GMDS: variants seen among roughly 807,000 people sequenced by gnomAD.
GMDS encodes the protein GDP-mannose 4,6 dehydratase.
A neutral mutation model predicts 49.9 loss-of-function variants in GMDS; 20 were observed. The observed-to-expected ratio is 0.40, with a 90% CI of 0.28 to 0.58. GMDS has a LOEUF of 0.58. Ranked by LOEUF, GMDS falls within the 20% of genes least tolerant of loss-of-function variation. The pLI is 0.42. For synonymous variants in GMDS, 177 were observed against 178.6 expected (o/e 0.99, Z 0.07); for missense variants, 362 against 481.4 (o/e 0.75, Z 2.32).
chr6:1,802,196 T>C (rs992377257), intron 7 of GMDS, among the ~76,000 whole-genome samples: 5 of 152,230 alleles, frequency 3.3e-5, no homozygotes, highest in African/African-American at 4.8e-5. Flanking sequence ...GGTACAAGTC[T>C]TCATTTGAGA....
chr6:1,801,502 T>G (rs1216351890), intron 7 of GMDS, among the ~76,000 whole-genome samples: 4 of 152,244 alleles, frequency 2.6e-5, no homozygotes, highest in Non-Finnish European at 4.4e-5. Context: ...GCTGTCCAGC[T>G]GGAGTGGAGG....
At chr6:1,760,407 T>C (rs990435533) in intron 7 of GMDS, among the ~76,000 whole-genome samples, 7 of 152,212 alleles carry the variant, frequency 4.6e-5, no homozygotes, top group East Asian at 1.9e-4. Flanking sequence ...GTGGGGAAGA[T>C]GGCCACTTGC....
At chr6:1,894,300 G>A (rs1760038405) in intron 7 of GMDS, among the ~76,000 whole-genome samples, 1 of 152,046 alleles carries the variant, frequency 6.6e-6, no homozygotes, top group African/African-American at 2.4e-5. Flanking sequence ...GAAGAATGAT[G>A]GTGTAGTTAC....
chr6:1,960,767 T>C lies in GMDS; in HGVS notation c.538+7A>G. On this transcript the variant is annotated splice_region_variant and intron_variant, in intron 5 of 10. Transcript: ENST00000380815. ...ACATGTGCTCCGGTGTGCACGCATG[T>C]TCTCACCATAGGGTGACCGGGGATA... is the stretch of plus-strand genomic sequence containing the variant. 6.4e-7 allele frequency: 1 copy of C among 1,566,586 alleles called. No homozygotes were observed. The highest frequency in any genetic ancestry group is 8.7e-7 in the Non-Finnish European group (1 of 1,144,392).
chr6:2,148,224 T>C (rs1776671823), intron 1 of GMDS, among the ~76,000 whole-genome samples: 1 of 152,148 alleles, frequency 6.6e-6, no homozygotes, highest in Non-Finnish European at 1.5e-5. Context: ...CCAAAATAAA[T>C]TAAATGCTGG....
At chr6:1,645,563 T>C (rs1236326246) in intron 9 of GMDS, among the ~76,000 whole-genome samples, 1 of 152,244 alleles carries the variant, frequency 6.6e-6, no homozygotes, top group Non-Finnish European at 1.5e-5. Context: ...CCTCACTTGC[T>C]CTTTTCCTCC....
chr6:1,960,787 G>A lies in GMDS; in HGVS notation c.525C>T (p.Pro175=), dbSNP rs763342814. The change falls in exon 5 of 11, where the codon CCC becomes CCT. Residue 175 remains proline, a synonymous_variant. Coordinates refer to ENST00000380815, the MANE Select transcript of GMDS (RefSeq NM_001500.4). ...GCATGTTCTCACCATAGGGTGACCG[G>A]GGATAGAAAGGGGTGGTCTCCTTCT... ...IPQKETTPFY[P]RSPYGAAKLY... 17 of 1,596,432 alleles carry A rather than the reference G, an allele frequency of 1.1e-5. No individual in the cohort carries two copies. In the South Asian group the frequency reaches 1.7e-4, roughly 16 times the overall value.
chr6:1,890,613 G>C (rs1192400195), intron 7 of GMDS, among the ~76,000 whole-genome samples: 1 of 151,978 alleles, frequency 6.6e-6, no homozygotes, highest in Non-Finnish European at 1.5e-5. Context: ...TGTTGCTTGT[G>C]CTTTAGGTGT....
chr6:1,940,992 G>C (rs1338062042), intron 6 of GMDS, among the ~76,000 whole-genome samples: 1 of 152,036 alleles, frequency 6.6e-6, no homozygotes, highest in Non-Finnish European at 1.5e-5. Flanking sequence ...CTTCCCCCTG[G>C]GGGGACAAAA....
At chr6:1,728,458 T>G (rs950105210) in intron 8 of GMDS, among the ~76,000 whole-genome samples, 2 of 152,220 alleles carry the variant, frequency 1.3e-5, no homozygotes, top group Non-Finnish European at 2.9e-5. Context: ...CCATTTACAA[T>G]TCTGCTGACT....
At chr6:1,728,116 C>A (rs909883247) in intron 8 of GMDS, among the ~76,000 whole-genome samples, 2 of 152,114 alleles carry the variant, frequency 1.3e-5, no homozygotes, top group Non-Finnish European at 2.9e-5. Flanking sequence ...AGATTGAAAG[C>A]GTTTTAAAAC....
At chr6:1,923,540 C>T (rs1190835389) in intron 7 of GMDS, among the ~76,000 whole-genome samples, 1 of 152,230 alleles carries the variant, frequency 6.6e-6, no homozygotes, top group Non-Finnish European at 1.5e-5. Flanking sequence ...CTCTCACGTG[C>T]TCCCTCCCAC....
chr6:1,925,819 C>G (rs541793842), intron 7 of GMDS, among the ~76,000 whole-genome samples: 1 of 152,072 alleles, frequency 6.6e-6, no homozygotes, highest in South Asian at 2.1e-4. Flanking sequence ...CCTGCCTTCA[C>G]GCCCAAATGC....
intron 1 of GMDS, among the ~76,000 whole-genome samples, chr6:2,181,795 TC>T (rs1273700960): frequency 1.3e-5 from 2 of 152,012 alleles, no homozygotes; most frequent in Non-Finnish European, 1.5e-5. Flanking sequence ...TCCTCAGGCC[TC>T]CCCCTTCCTT....
At chr6:2,227,329 T>C (rs2127592996) in intron 1 of GMDS, among the ~76,000 whole-genome samples, 1 of 152,092 alleles carries the variant, frequency 6.6e-6, no homozygotes, top group Non-Finnish European at 1.5e-5. Context: ...AGCTCCAAGT[T>C]CTACCCTAAG....
chr6:2,202,015 T>C (rs1779562225), intron 1 of GMDS, among the ~76,000 whole-genome samples: 1 of 130,512 alleles, frequency 7.7e-6, no homozygotes, highest in Non-Finnish European at 1.6e-5. Flanking sequence ...GAGCACCACA[T>C]GGGCATCCGA....
chr6:1,791,715 G>C (rs531277196), intron 7 of GMDS, among the ~76,000 whole-genome samples: 1 of 152,278 alleles, frequency 6.6e-6, no homozygotes, highest in South Asian at 2.1e-4. Flanking sequence ...CCTGTTCCTA[G>C]AATACAACGT....
intron 9 of GMDS, among the ~76,000 whole-genome samples, chr6:1,714,760 C>A (rs1005102869): frequency 3.3e-5 from 5 of 152,378 alleles, no homozygotes; most frequent in African/African-American, 1.2e-4. Flanking sequence ...ACAGAAGCAA[C>A]CTTGGATGCC....
intron 6 of GMDS, among the ~76,000 whole-genome samples, chr6:1,936,471 C>T (rs1762537639): frequency 6.6e-6 from 1 of 152,132 alleles, no homozygotes; most frequent in Non-Finnish European, 1.5e-5. Flanking sequence ...GGCCACAAGG[C>T]AAGGGAATAA....
Sources: allele counts gnomAD v4.1 joint callset (sites outside exome capture counted in the v4.1 genomes callset), GRCh38; gene constraint gnomAD v4.1.1; transcripts MANE v1.5; gene names NCBI Gene and HGNC (gene_info 2026-07-23, HGNC 2026-07-21).